Variants in HSF2BP observed in about 807,000 individuals in gnomAD.
HSF2BP encodes the protein heat shock transcription factor 2 binding protein.
HSF2BP carries 35 observed loss-of-function variants against 35.0 expected under a neutral mutation model. The ratio of observed to expected loss-of-function variants is 1.00; its 90% CI spans 0.76 to 1.32. The LOEUF (loss-of-function observed/expected upper bound fraction) is 1.32, where lower values mean the gene tolerates loss of function less well. Ranked by LOEUF, HSF2BP falls within the 40% of genes most tolerant of loss-of-function variation. HSF2BP has a pLI of 0.00. For missense variants in HSF2BP, 326 were observed against 321.7 expected, an observed-to-expected ratio of 1.01 and a Z score of -0.10; for synonymous variants, 114 against 117.4, an observed-to-expected ratio of 0.97 and a Z score of 0.18.
chr21:43,638,763 T>A (rs769645538), intron 4 of HSF2BP, among the ~76,000 whole-genome samples: 56 of 152,352 alleles, frequency 3.7e-4, no homozygotes, highest in Non-Finnish European at 6.2e-4. Context: ...CCACAATTTC[T>A]ATTAAAATTC....
intron 5 of HSF2BP, 127 bp downstream of exon 5, chr21:43,633,145 G>T: frequency 2.1e-6 from 2 of 960,398 alleles, no homozygotes; most frequent in Non-Finnish European, 1.5e-6. Flanking sequence ...TCAATAACTA[G>T]CTGATGAGTG....
At chr21:43,613,687 G>A (rs754221852) in intron 7 of HSF2BP, 143 bp downstream of exon 7, 52 of 657,308 alleles carry the variant, frequency 7.9e-5, no homozygotes, top group Non-Finnish European at 1.3e-4. Flanking sequence ...GACAGTGCAC[G>A]CCCTTAACTT....
intron 8 of HSF2BP, among the ~76,000 whole-genome samples, chr21:43,576,197 C>T (rs2081642213): frequency 6.6e-6 from 1 of 151,504 alleles, no homozygotes; most frequent in African/African-American, 2.4e-5. Context: ...GATGTGAGGC[C>T]ATCTTCCTGG....
intron 8 of HSF2BP, among the ~76,000 whole-genome samples, chr21:43,579,270 C>T (rs2081688984): frequency 6.6e-6 from 1 of 152,174 alleles, no homozygotes; most frequent in African/African-American, 2.4e-5. Flanking sequence ...TAATGAAGAA[C>T]ATTCGACGAC....
At chr21:43,646,068 A>G (rs1404591348) in intron 3 of HSF2BP, among the ~76,000 whole-genome samples, 5 of 151,906 alleles carry the variant, frequency 3.3e-5, no homozygotes, top group Admixed American at 1.3e-4. Context: ...GTGTAATTAC[A>G]GCACTTTGGA....
chr21:43,622,095 C>A (rs2082337840), intron 6 of HSF2BP, among the ~76,000 whole-genome samples: 2 of 152,102 alleles, frequency 1.3e-5, no homozygotes, highest in Admixed American at 6.5e-5. Context: ...AAAGATAAGT[C>A]ATCTCTTTAA....
intron 8 of HSF2BP, 106 bp downstream of exon 8, chr21:43,592,119 C>T: frequency 1.4e-6 from 1 of 696,760 alleles, no homozygotes; most frequent in Non-Finnish European, 2.6e-6. Flanking sequence ...GGTGCTATCT[C>T]TGGTTTCAGA....
chr21:43,633,207 C>G, intron 5 of HSF2BP, 65 bp downstream of exon 5: 1 of 1,520,714 alleles, frequency 6.6e-7, no homozygotes, highest in Non-Finnish European at 8.9e-7. Context: ...CCTTAATAAG[C>G]TATATGCTCT....
intron 7 of HSF2BP, among the ~76,000 whole-genome samples, chr21:43,596,636 T>C (rs1416783785): frequency 1.3e-5 from 2 of 151,836 alleles, no homozygotes; most frequent in Admixed American, 1.3e-4. Flanking sequence ...GAGGCCAACA[T>C]GGGAAGACTG....
intron 3 of HSF2BP, among the ~76,000 whole-genome samples, chr21:43,650,249 C>T (rs1404622542): frequency 6.6e-6 from 1 of 152,090 alleles, no homozygotes; most frequent in East Asian, 1.9e-4. Context: ...CTCTGTCGCC[C>T]GGGCTGGAGT....
At chr21:43,632,680 A>C (rs1394596022) in intron 5 of HSF2BP, among the ~76,000 whole-genome samples, 2 of 152,052 alleles carry the variant, frequency 1.3e-5, no homozygotes, top group African/African-American at 2.4e-5. Flanking sequence ...TCTTCAGCCT[A>C]CTCAATTTGA....
At chr21:43,630,496 A>T in intron 5 of HSF2BP, 42 bp from the exon 6 acceptor site, 1 of 1,577,200 alleles carries the variant, frequency 6.3e-7, no homozygotes, top group South Asian at 1.2e-5. Flanking sequence ...TTTTACAGAC[A>T]CTAGTGTGAA....
intron 7 of HSF2BP, among the ~76,000 whole-genome samples, chr21:43,598,835 G>A (rs1349288578): frequency 6.6e-6 from 1 of 152,146 alleles, no homozygotes; most frequent in East Asian, 1.9e-4. Context: ...AAAAGTTCCT[G>A]CTTCAGATCA....
intron 4 of HSF2BP, among the ~76,000 whole-genome samples, chr21:43,643,038 A>G (rs1018550737): frequency 6.6e-6 from 1 of 152,082 alleles, no homozygotes; most frequent in African/African-American, 2.4e-5. Context: ...ATCCAAAATA[A>G]AAATATATCC....
rs182276657 is a variant in HSF2BP, at chr21:43,591,124, C to T, written c.796+1101G>A. Among the ~76,000 whole-genome samples, 62 of 152,160 alleles carry T rather than the reference C, an allele frequency of 4.1e-4. No homozygotes were observed. The Middle Eastern group carries it at 0.01, about 25-fold the overall frequency. ...TAAGGAAAATTAATTTATTTTTATA[C>T]ATGGGTGAAATGTATACTCATTAAA... On this transcript the variant is annotated intron_variant, in intron 8 of 8. Transcript: ENST00000291560.
At chr21:43,606,310 T>C (rs2082134563) in intron 7 of HSF2BP, among the ~76,000 whole-genome samples, 1 of 151,882 alleles carries the variant, frequency 6.6e-6, no homozygotes, top group Non-Finnish European at 1.5e-5. Context: ...GCCCCAGCTG[T>C]AGGAACAGAG....
chr21:43,600,424 T>G (rs2082037926), intron 7 of HSF2BP, among the ~76,000 whole-genome samples: 1 of 152,226 alleles, frequency 6.6e-6, no homozygotes, highest in Non-Finnish European at 1.5e-5. Flanking sequence ...CACCATAAAG[T>G]AATTCTACTG....
rs192552537 is a variant in HSF2BP, at chr21:43,598,101, A to T, written c.693-5773T>A. 1.5e-3 allele frequency among the ~76,000 whole-genome samples: 234 copies of T among 152,352 alleles called. 2 individuals are homozygous for T. Among genetic ancestry groups the T allele is most frequent in the African/African-American group, 5.4e-3 (223 of 41,582 alleles). ...CACTCAATTTATCTACTGAAAAGTGAATCAACTCCCAGTGATTAAAGATCA... is the reference window on the plus strand; with the variant it reads ...CACTCAATTTATCTACTGAAAAGTGTATCAACTCCCAGTGATTAAAGATCA... On this transcript the variant is annotated intron_variant, in intron 7 of 8. Transcript: ENST00000291560.
intron 7 of HSF2BP, among the ~76,000 whole-genome samples, chr21:43,604,300 C>T (rs1315730901): frequency 6.9e-6 from 1 of 145,634 alleles, no homozygotes; most frequent in Admixed American, 6.9e-5. Flanking sequence ...ACACCACACA[C>T]ACCATGCACA....
Sources: gnomAD v4.1 joint callset for allele counts (sites outside exome capture counted in the v4.1 genomes callset) on GRCh38, gnomAD v4.1.1 for gene constraint, MANE v1.5 for transcripts, NCBI Gene and HGNC (gene_info 2026-07-23, HGNC 2026-07-21) for gene names.